Variants in CPA4 observed in about 807,000 individuals in gnomAD.
CPA4 encodes carboxypeptidase A4, also known as carboxypeptidase A3.
In CPA4, 49 loss-of-function variants were observed where a neutral mutation model predicts 54.7. That is an observed-to-expected ratio of 0.90 (90% CI 0.71 to 1.14). The LOEUF is 1.14. Ranked by LOEUF, CPA4 falls within the 50% of genes most tolerant of loss-of-function variation. The pLI is 0.00. For missense variants in CPA4, 487 were observed against 525.1 expected (o/e 0.93, Z 0.71); for synonymous variants, 215 against 206.8 (o/e 1.04, Z -0.34).
intron 10 of CPA4, among the ~76,000 whole-genome samples, chr7:130,319,383 T>C (rs1794048983): frequency 6.6e-6 from 1 of 152,184 alleles, no homozygotes; most frequent in African/African-American, 2.4e-5. Context: ...CCATCAGACA[T>C]GGGGGAAGAA....
chr7:130,311,386 A>T (rs1793910298), intron 9 of CPA4, among the ~76,000 whole-genome samples: 1 of 152,208 alleles, frequency 6.6e-6, no homozygotes, highest in Admixed American at 6.5e-5. Flanking sequence ...TCTCATCCAG[A>T]ACGTGGGCCA....
At position 130,324,141 on chromosome 7, in the gene CPA4, T is replaced by C. The variant is rs1794180680; in HGVS notation, c.*1465T>C. On this transcript the variant is annotated 3_prime_UTR_variant, in exon 11 of 11. Coordinates refer to ENST00000222482, the MANE Select transcript of CPA4 (RefSeq NM_016352.4). Reference sequence around the variant, plus strand: ...TGCCTAGGATTTGTACAGCATCTGGTGTGTGCTTATAAGCCAATAAATATT... The same window carrying C: ...TGCCTAGGATTTGTACAGCATCTGGCGTGTGCTTATAAGCCAATAAATATT... The C allele has an allele frequency of 1.3e-5, 2 of 152,654 alleles. No homozygotes were observed. The highest frequency in any genetic ancestry group is 6.5e-5 in the Admixed American group (1 of 15,280). 9.5% of individuals were successfully genotyped at this position (152,654 alleles called of 1,614,324 possible). A position where few individuals can be genotyped will look rare whatever the true frequency, so the allele number is the denominator to read the frequency against.
Position 130,305,858 on chromosome 7 carries a change from A to C in CPA4, c.529A>C (p.Asn177His), listed in dbSNP as rs370825723. The C allele has an allele frequency of 7.4e-5, 120 of 1,614,186 alleles. 1 individual carries two copies. In the East Asian group the frequency reaches 1.7e-3, roughly 23 times the overall value. Residue 177 changes from asparagine (N) to histidine (H), a missense_variant, in exon 6 of 11, where the codon AAT becomes CAT. By Grantham distance (68) the Asn-to-His change is moderately conservative. Coordinates refer to ENST00000222482, the MANE Select transcript of CPA4 (RefSeq NM_016352.4). ...CGTGAGGCGGCCGGCCGTTTGGCTG[A>C]ATGCAGGCATCCATTCCCGAGAGTG... ...KGVRRPAVWL[N>H]AGIHSREWIS...
intron 10 of CPA4, among the ~76,000 whole-genome samples, chr7:130,321,805 T>A (rs1354148381): frequency 6.6e-6 from 1 of 152,186 alleles, no homozygotes; most frequent in East Asian, 1.9e-4. Flanking sequence ...CATGATTCAA[T>A]TATCTCCCAC....
chr7:130,315,107 A>AG (rs557207318), intron 10 of CPA4, among the ~76,000 whole-genome samples: 1 of 150,114 alleles, frequency 6.7e-6, no homozygotes, highest in East Asian at 2.0e-4. Context: ...CTTAGGTGTG[A>AG]GGGGGGGAAT....
intron 3 of CPA4, among the ~76,000 whole-genome samples, chr7:130,300,293 G>A (rs1793718608): frequency 6.6e-6 from 1 of 151,616 alleles, no homozygotes; most frequent in Non-Finnish European, 1.5e-5. Flanking sequence ...GAGTAAGTGG[G>A]TTTTGAATGA....
At chr7:130,316,446 C>T (rs1216837103) in intron 10 of CPA4, among the ~76,000 whole-genome samples, 1 of 152,196 alleles carries the variant, frequency 6.6e-6, no homozygotes, top group African/African-American at 2.4e-5. Context: ...GCCTCTACAA[C>T]TCTTTTAGGT....
intron 8 of CPA4, 75 bp downstream of exon 8, chr7:130,308,472 C>T (rs916330837): frequency 5.9e-6 from 7 of 1,196,490 alleles, no homozygotes; most frequent in Non-Finnish European, 8.7e-6. Context: ...CTGAGCTGGC[C>T]GGGACGGAGC....
At chr7:130,297,243 C>T (rs1025449937) in intron 1 of CPA4, among the ~76,000 whole-genome samples, 28 of 152,330 alleles carry the variant, frequency 1.8e-4, no homozygotes, top group African/African-American at 6.3e-4. Context: ...GTGTGAGCCA[C>T]GGTGCCTGGC....
chr7:130,304,401 C>A, intron 4 of CPA4, 77 bp from the exon 5 acceptor site: 1 of 882,926 alleles, frequency 1.1e-6, no homozygotes, highest in South Asian at 1.3e-5. Context: ...TTAAGATCAA[C>A]AAGGTAAATC....
At chr7:130,305,328 G>A (rs2117142979) in intron 5 of CPA4, among the ~76,000 whole-genome samples, 1 of 152,294 alleles carries the variant, frequency 6.6e-6, no homozygotes, top group African/African-American at 2.4e-5. Flanking sequence ...ACCAAGCTCT[G>A]ACCCAAGGGG....
At chr7:130,307,351 G>GCCA (rs1252248978) in intron 7 of CPA4, among the ~76,000 whole-genome samples, 1 of 152,154 alleles carries the variant, frequency 6.6e-6, no homozygotes, top group African/African-American at 2.4e-5. Flanking sequence ...GGAGGCCGAG[G>GCCA]CCAGGCGCGG....
chr7:130,320,501 G>C (rs1385514902), intron 10 of CPA4, among the ~76,000 whole-genome samples: 2 of 152,196 alleles, frequency 1.3e-5, no homozygotes, highest in African/African-American at 4.8e-5. Flanking sequence ...ACCACACAGG[G>C]AGGGAGCACG....
intron 10 of CPA4, among the ~76,000 whole-genome samples, chr7:130,318,370 C>T (rs1172439365): frequency 6.6e-6 from 1 of 152,168 alleles, no homozygotes; most frequent in Non-Finnish European, 1.5e-5. Flanking sequence ...AGGAGGAAGG[C>T]TCTCCCGAGG....
At position 130,306,822 on chromosome 7, in the gene CPA4, C is replaced by G. The variant is rs1178282117; in HGVS notation, c.627C>G (p.Thr209=). The G allele has an allele frequency of 2.5e-6, 4 of 1,610,238 alleles. No individual in the cohort carries two copies. Among genetic ancestry groups the G allele is most frequent in the Non-Finnish European group, 3.4e-6 (4 of 1,176,522 alleles). Residue 209 remains threonine, a synonymous_variant, in exon 7 of 11, where the codon ACC becomes ACG. Coordinates refer to ENST00000222482, the MANE Select transcript of CPA4 (RefSeq NM_016352.4). ...VSDYQRDPAI[T]SILEKMDIFL... ...ATTACCAGAGGGATCCAGCTATCAC[C>G]TCCATCTTGGAGAAAATGGATATTT...
chr7:130,304,293 GA>G (rs1793783858), intron 4 of CPA4, among the ~76,000 whole-genome samples, 184 bp from the exon 5 acceptor site: 1 of 152,194 alleles, frequency 6.6e-6, no homozygotes, highest in African/African-American at 2.4e-5. Flanking sequence ...CTACTCTCCA[GA>G]AAATTGTAGA....
In CPA4 at chr7:130,310,845, G is replaced by T; in HGVS notation, c.852G>T (p.Ser284=). 1 of 1,614,210 alleles carries T rather than the reference G, an allele frequency of 6.2e-7. No homozygotes were observed. The highest frequency in any genetic ancestry group is 8.5e-7 in the Non-Finnish European group (1 of 1,180,024). ...TGTACCATGGACCCCACGCCAATTC[G>T]GAAGTGGAGGTGAAATCAGTGGTAG... ...SEVYHGPHAN[S]EVEVKSVVDF... The change falls in exon 9 of 11, where the codon TCG becomes TCT. Residue 284 remains serine (S), a synonymous_variant. Transcript: ENST00000222482. This position sits in a 1 kb window ranked among gnomAD's most constrained non-coding sequence, Gnocchi z 4.3.
chr7:130,310,878 C>A lies in CPA4; in HGVS notation c.885C>A (p.Ile295=). The A allele has an allele frequency of 6.2e-7, 1 of 1,614,166 alleles. No homozygotes were observed. Among genetic ancestry groups the A allele is most frequent in the Non-Finnish European group, 8.5e-7 (1 of 1,179,982 alleles). The change falls in exon 9 of 11, where the codon ATC becomes ATA. Residue 295 remains isoleucine (I), a synonymous_variant. Coordinates refer to ENST00000222482, the MANE Select transcript of CPA4 (RefSeq NM_016352.4). This position sits in a 1 kb window ranked among gnomAD's most constrained non-coding sequence, Gnocchi z 4.3. ...EVEVKSVVDF[I]QKHGNFKGFI... ...AGGTGAAATCAGTGGTAGATTTCAT[C>A]CAAAAACATGGGAATTTCAAGGGCT... is the stretch of plus-strand genomic sequence containing the variant.
At chr7:130,300,938 G>A in intron 4 of CPA4, 24 bp downstream of exon 4, 1 of 1,492,530 alleles carries the variant, frequency 6.7e-7, no homozygotes, top group Non-Finnish European at 9.3e-7. Flanking sequence ...AGTGGGTTAA[G>A]ATCAAGGTTC....
Sources: allele counts gnomAD v4.1 joint callset (sites outside exome capture counted in the v4.1 genomes callset), GRCh38; gene constraint gnomAD v4.1.1; non-coding constraint Gnocchi (gnomAD v3.1); transcripts MANE v1.5; gene names NCBI Gene and HGNC (gene_info 2026-07-23, HGNC 2026-07-21).